PRAG1: variants seen among roughly 807,000 people sequenced by gnomAD.
PRAG1 encodes the protein inactive tyrosine-protein kinase PRAG1.
Under a neutral mutation model 95.6 loss-of-function variants are expected in PRAG1, and 110 were observed. The observed-to-expected ratio is 1.15, with a 90% confidence interval of 0.99 to 1.35. PRAG1 has a LOEUF of 1.35. PRAG1 is among the 40% of genes most tolerant of loss of function. PRAG1 has a pLI of 0.00. For synonymous variants in PRAG1, 1,052 were observed against 819.4 expected (o/e 1.28, Z -4.85); for missense variants, 2,554 against 1,864.7 (o/e 1.37, Z -6.81).
At chr8:8,367,728 G>A (rs530375427) in intron 3 of PRAG1, among the ~76,000 whole-genome samples, 27 of 151,738 alleles carry the variant, frequency 1.8e-4, no homozygotes, top group African/African-American at 5.8e-4. Context: ...TGCAAGCTCC[G>A]CCTCCTGAGT....
chr8:8,319,463 CT>C (rs1170293695), intron 5 of PRAG1, among the ~76,000 whole-genome samples, 161 bp from the exon 6 acceptor site: 2 of 152,168 alleles, frequency 1.3e-5, no homozygotes, highest in African/African-American at 4.8e-5. Context: ...GGGACAGAAT[CT>C]TTGAGGCCTT....
At position 8,317,805 on chromosome 8, in the gene PRAG1, A is replaced by G. The variant is rs1408984127; in HGVS notation, c.*349T>C. 1 of 168,996 alleles carries G rather than the reference A, an allele frequency of 5.9e-6. No individual in the cohort carries two copies. Among genetic ancestry groups the G allele is most frequent in the Non-Finnish European group, 1.2e-5 (1 of 80,088 alleles). 10.5% of individuals were successfully genotyped at this position (168,996 alleles called of 1,614,324 possible). A position where few individuals can be genotyped will look rare whatever the true frequency, so the allele number is the denominator to read the frequency against. On this transcript the variant is annotated 3_prime_UTR_variant, in exon 6 of 6. Coordinates refer to ENST00000615670, the MANE Select transcript of PRAG1 (RefSeq NM_001080826.3). ...TTTTTTTTCTTTAAATAACAATTTG[A>G]CAAAAGGGTGAAGAAATCCTAAACA...
chr8:8,362,755 G>T (rs1184820004), intron 3 of PRAG1, among the ~76,000 whole-genome samples: 2 of 152,192 alleles, frequency 1.3e-5, no homozygotes, highest in South Asian at 2.1e-4. Flanking sequence ...AGAGACACAG[G>T]AATATTTATC....
intron 4 of PRAG1, among the ~76,000 whole-genome samples, chr8:8,336,681 A>T (rs1326782722): frequency 1.3e-5 from 2 of 152,146 alleles, no homozygotes; most frequent in Non-Finnish European, 2.9e-5. Context: ...TTTTCCTTAT[A>T]CAACTAAAAC....
At chr8:8,373,598 T>G (rs150014750) in intron 3 of PRAG1, among the ~76,000 whole-genome samples, 43 of 152,102 alleles carry the variant, frequency 2.8e-4, no homozygotes, top group African/African-American at 1.0e-3. Flanking sequence ...GACAGGCATG[T>G]GCCACCATCC....
intron 1 of PRAG1, among the ~76,000 whole-genome samples, chr8:8,385,106 T>TATGTCACTTATA: frequency 6.6e-6 from 1 of 152,314 alleles, no homozygotes; most frequent in African/African-American, 2.4e-5. Flanking sequence ...TATGCCTTAT[T>TATGTCACTTATA]CTGAAGTGAC....
intron 3 of PRAG1, among the ~76,000 whole-genome samples, chr8:8,362,568 G>C (rs1799876317): frequency 1.3e-5 from 2 of 152,200 alleles, no homozygotes; most frequent in African/African-American, 2.4e-5. Context: ...AAAGATCAGA[G>C]ACCCTGCCCC....
intron 3 of PRAG1, among the ~76,000 whole-genome samples, chr8:8,367,641 G>GTTTTGTT (rs1800053837): frequency 3.3e-5 from 5 of 151,620 alleles, no homozygotes; most frequent in Admixed American, 3.3e-4. Flanking sequence ...GTATCTGGTG[G>GTTTTGTT]TTTTGTTTTT....
At chr8:8,375,013 G>C (rs1456258834) in intron 3 of PRAG1, among the ~76,000 whole-genome samples, 1 of 151,294 alleles carries the variant, frequency 6.6e-6, no homozygotes, top group Non-Finnish European at 1.5e-5. Context: ...ACAGAAATCA[G>C]TTTCGCTCTA....
At chr8:8,327,382 C>T (rs1375227806) in intron 5 of PRAG1, among the ~76,000 whole-genome samples, 1 of 152,066 alleles carries the variant, frequency 6.6e-6, no homozygotes, top group African/African-American at 2.4e-5. Context: ...CCAGCCGGGC[C>T]AATATGGCAA....
Position 8,377,252 on chromosome 8 carries a change from G to A in PRAG1, c.1157C>T (p.Thr386Ile). The A allele has an allele frequency of 6.2e-7, 1 of 1,612,874 alleles. No individual in the cohort carries two copies. Among genetic ancestry groups the A allele is most frequent in the South Asian group, 1.1e-5 (1 of 91,084 alleles). ...KQQDPGCPGV[T>I]PSRCLGLTGE... ...CGTCAGCCCAAGGCATCTGCTAGGGGTCACCCCTGGGCAGCCAGGGTCCTG... is the reference window on the plus strand; with the variant it reads ...CGTCAGCCCAAGGCATCTGCTAGGGATCACCCCTGGGCAGCCAGGGTCCTG... Residue 386 changes from threonine to isoleucine, a missense_variant, in exon 3 of 6, where the codon ACC becomes ATC. Physicochemically the swap from Thr to Ile is moderately conservative, Grantham distance 89. Coordinates refer to ENST00000615670, the MANE Select transcript of PRAG1 (RefSeq NM_001080826.3).
At chr8:8,365,412 T>A (rs1302512248) in intron 3 of PRAG1, among the ~76,000 whole-genome samples, 2 of 151,484 alleles carry the variant, frequency 1.3e-5, no homozygotes, top group African/African-American at 4.9e-5. Context: ...TCACCTGAGG[T>A]CAGGAGTTCG....
At chr8:8,378,687 C>T (rs915142810) in intron 2 of PRAG1, among the ~76,000 whole-genome samples, 2 of 151,864 alleles carry the variant, frequency 1.3e-5, no homozygotes, top group Non-Finnish European at 2.9e-5. Flanking sequence ...TGGCCAAATC[C>T]CATCTCTACA....
In PRAG1 at chr8:8,318,265, C is replaced by A. The variant is rs528263106; in HGVS notation, c.4110G>T (p.Ala1370=). ...ALMMMKFAEK[A]VDRRRGVELE... is the part of the protein sequence containing the mutation. ...GCTCCACGCCCCGCCTGCGATCCAC[C>A]GCCTTCTCCGCAAACTTCATCATCA... The change falls in exon 6 of 6, where the codon GCG becomes GCT. Residue 1370 remains alanine (A), a synonymous_variant. Coordinates refer to ENST00000615670, the MANE Select transcript of PRAG1 (RefSeq NM_001080826.3). The surrounding 1 kb of genome is among the most constrained non-coding windows in gnomAD (Gnocchi z 4.2). The A allele has an allele frequency of 6.2e-6, 10 of 1,614,068 alleles. No individual in the cohort carries two copies. Among genetic ancestry groups the A allele is most frequent in the Non-Finnish European group, 8.5e-6 (10 of 1,180,020 alleles).
At chr8:8,374,045 A>G (rs1476809351) in intron 3 of PRAG1, among the ~76,000 whole-genome samples, 1 of 152,168 alleles carries the variant, frequency 6.6e-6, no homozygotes, top group African/African-American at 2.4e-5. Context: ...GCTAGTTCCC[A>G]TAGGGTGTGG....
chr8:8,377,681 G>A lies in PRAG1; in HGVS notation c.728C>T (p.Ser243Leu), dbSNP rs201219172. Residue 243 changes from serine (S) to leucine (L), a missense_variant, in exon 3 of 6, where the codon TCG becomes TTG. Coordinates refer to ENST00000615670, the MANE Select transcript of PRAG1 (RefSeq NM_001080826.3). The part of the protein sequence containing the change: ...PSEDDSDQRC[S>L]PSGDSEGGEY... Reference sequence around the variant, plus strand: ...TCCACCCTCGCTGTCCCCGGAGGGCGAGCACCTTTGATCACTGTCATCCTC... The same window carrying A: ...TCCACCCTCGCTGTCCCCGGAGGGCAAGCACCTTTGATCACTGTCATCCTC... The A allele has an allele frequency of 3.5e-3, 5,648 of 1,613,840 alleles. 18 individuals carry two copies. Among genetic ancestry groups the A allele is most frequent in the Non-Finnish European group, 4.2e-3 (4,964 of 1,179,996 alleles).
In PRAG1 at chr8:8,327,753, C is replaced by T. The variant is rs1798676721; in HGVS notation, c.3029G>A (p.Cys1010Tyr). The change falls in exon 5 of 6, where the codon TGT becomes TAT. Residue 1010 changes from cysteine to tyrosine, a missense_variant. Cys to Tyr is a radical substitution (Grantham distance 194). Transcript: ENST00000615670. ...CCDSGDAIYY[C>Y]ATCSEDPGST... ...GCCGGGGTCCTCAGAGCAGGTGGCA[C>T]AGTAATAAATGGCATCCCCCGAGTC... is the stretch of plus-strand genomic sequence containing the variant. The T allele has an allele frequency of 1.9e-6, 3 of 1,614,010 alleles. No homozygotes were observed. The highest frequency in any genetic ancestry group is 2.7e-5 in the African/African-American group (2 of 74,920).
intron 3 of PRAG1, among the ~76,000 whole-genome samples, chr8:8,372,676 C>T (rs1189036546): frequency 1.3e-5 from 2 of 152,192 alleles, no homozygotes; most frequent in Non-Finnish European, 2.9e-5. Context: ...AGAGGTTTCT[C>T]AGGAACACGA....
intron 3 of PRAG1, among the ~76,000 whole-genome samples, chr8:8,372,912 C>T (rs1361063007): frequency 6.6e-6 from 1 of 152,208 alleles, no homozygotes; most frequent in Non-Finnish European, 1.5e-5. Context: ...GTCTCTCTCA[C>T]ACCATGTAAG....
Sources: gnomAD v4.1 joint callset for allele counts (sites outside exome capture counted in the v4.1 genomes callset) on GRCh38, gnomAD v4.1.1 for gene constraint, Gnocchi (gnomAD v3.1) non-coding constraint, MANE v1.5 for transcripts, NCBI Gene and HGNC (gene_info 2026-07-23, HGNC 2026-07-21) for gene names.